ZNF280D: variants seen among roughly 807,000 people sequenced by gnomAD.
ZNF280D encodes the protein suppressor of hairy wing homolog 4.
Under a neutral mutation model 94.7 loss-of-function variants are expected in ZNF280D, and 39 were observed. The ratio of observed to expected loss-of-function variants is 0.41; its 90% CI spans 0.32 to 0.54. The LOEUF is 0.54. ZNF280D is among the 20% of genes least tolerant of loss of function. The pLI is 0.22. For missense variants in ZNF280D, 1,090 were observed against 1,149.3 expected, an observed-to-expected ratio of 0.95 and a Z score of 0.75; for synonymous variants, 398 against 377.6, an observed-to-expected ratio of 1.05 and a Z score of -0.63.
chr15:56,707,090 T>G lies in ZNF280D; in HGVS notation c.20A>C (p.Gln7Pro), dbSNP rs372990705. The change falls in exon 3 of 22, where the codon CAA becomes CCA. Residue 7 changes from glutamine (Q) to proline (P), a missense_variant. Gln to Pro is a moderately conservative substitution (Grantham distance 76). Coordinates refer to ENST00000267807, the MANE Select transcript of ZNF280D (RefSeq NM_017661.4). Reference sequence around the variant, plus strand: ...GTGGCAGCAACACTTACTTTTTGGTTGAAAAGGGTTGTCGCCCATCAAGCT... The same window carrying G: ...GTGGCAGCAACACTTACTTTTTGGTGGAAAAGGGTTGTCGCCCATCAAGCT... MGDNPF[Q>P]PKSNSKMAEL... 2 of 1,613,850 alleles carry G rather than the reference T, an allele frequency of 1.2e-6. No individual in the cohort carries two copies. The highest frequency in any genetic ancestry group is 2.7e-5 in the African/African-American group (2 of 74,918).
At chr15:56,681,122 T>C (rs1271847701) in intron 10 of ZNF280D, among the ~76,000 whole-genome samples, 3 of 152,346 alleles carry the variant, frequency 2.0e-5, no homozygotes, top group African/African-American at 4.8e-5. Flanking sequence ...TTGAAAATTA[T>C]AAAGCACTAT....
intron 9 of ZNF280D, among the ~76,000 whole-genome samples, chr15:56,684,013 T>G (rs540311501): frequency 2.4e-4 from 36 of 152,138 alleles, no homozygotes; most frequent in Admixed American, 4.6e-4. Flanking sequence ...CAAGGGTATA[T>G]CCTCTGTTTG....
At chr15:56,646,904 AAAG>A (rs1248725119) in intron 19 of ZNF280D, among the ~76,000 whole-genome samples, 1 of 152,148 alleles carries the variant, frequency 6.6e-6, no homozygotes, top group African/African-American at 2.4e-5. Flanking sequence ...GAGAAAAAGC[AAAG>A]AAGTATGAAA....
At position 56,666,825 on chromosome 15, in the gene ZNF280D, T is replaced by C. The variant is rs561731506; in HGVS notation, c.1707A>G (p.Lys569=). Residue 569 remains lysine, a synonymous_variant, in exon 15 of 22, where the codon AAA becomes AAG. Transcript: ENST00000267807. The part of the protein sequence containing the change: ...KSNTSKPNTV[K]SNASKPNTSK... ...TTGTATTAGGTTTACTTGCGTTGGA[T>C]TTGACTGTATTAGGTTTACTTGTAT... The C allele has an allele frequency of 1.2e-6, 2 of 1,613,734 alleles. No homozygotes were observed. Among genetic ancestry groups the C allele is most frequent in the South Asian group, 1.1e-5 (1 of 91,082 alleles).
intron 1 of ZNF280D, among the ~76,000 whole-genome samples, chr15:56,715,566 T>C (rs566291906): frequency 2.6e-5 from 4 of 152,218 alleles, no homozygotes; most frequent in Non-Finnish European, 2.9e-5. Context: ...GTAGAGAGTA[T>C]AATACATGTA....
At chr15:56,706,998 G>T in intron 3 of ZNF280D, 84 bp downstream of exon 3, 2 of 1,351,038 alleles carry the variant, frequency 1.5e-6, no homozygotes, top group African/African-American at 1.4e-5. Context: ...TTTAAAAAAT[G>T]TCTCCCAACT....
intron 7 of ZNF280D, among the ~76,000 whole-genome samples, chr15:56,690,080 A>T (rs1478040594): frequency 6.6e-6 from 1 of 152,170 alleles, no homozygotes; most frequent in African/African-American, 2.4e-5. Flanking sequence ...CACTTCATTC[A>T]TTTATATGAA....
intron 20 of ZNF280D, among the ~76,000 whole-genome samples, chr15:56,638,382 AG>A (rs2052454719): frequency 6.6e-6 from 1 of 152,238 alleles, no homozygotes; most frequent in Admixed American, 6.5e-5. Flanking sequence ...AAGCAAAAAA[AG>A]TCAGTGATAC....
chr15:56,723,353 G>A (rs1419096052), intron 1 of ZNF280D, among the ~76,000 whole-genome samples: 3 of 152,144 alleles, frequency 2.0e-5, no homozygotes, highest in South Asian at 4.1e-4. Flanking sequence ...AACTTTGAAA[G>A]TGAAAGAAGT....
At chr15:56,644,821 T>C (rs955233869) in intron 19 of ZNF280D, among the ~76,000 whole-genome samples, 2 of 152,174 alleles carry the variant, frequency 1.3e-5, no homozygotes, top group Non-Finnish European at 2.9e-5. Flanking sequence ...TCACTCTTTA[T>C]TGTACTGGCA....
Position 56,704,258 on chromosome 15 carries a change from T to G in ZNF280D, c.38A>C (p.Lys13Thr). 2 of 1,603,212 alleles carry G rather than the reference T, an allele frequency of 1.2e-6. No homozygotes were observed. The highest frequency in any genetic ancestry group is 8.5e-7 in the Non-Finnish European group (1 of 1,177,242). Reference sequence around the variant, plus strand: ...ACATTCCATAAACAGTTCTGCCATTTTTGAATTACCTAATTTTCAAAAGGA... The same window carrying G: ...ACATTCCATAAACAGTTCTGCCATTGTTGAATTACCTAATTTTCAAAAGGA... ...DNPFQPKSNS[K>T]MAELFMECEE... The change falls in exon 4 of 22, where the codon AAA (lysine) becomes ACA (threonine). Residue 13 changes from lysine (K) to threonine (T), a missense_variant. Physicochemically the swap from Lys to Thr is moderately conservative, Grantham distance 78. Around this residue, in one of 3 missense-constraint regions of ZNF280D, gnomAD observed 386 missense variants for 372.0 expected, o/e 1.04. Transcript: ENST00000267807.
chr15:56,702,147 T>C (rs761219694), intron 4 of ZNF280D, among the ~76,000 whole-genome samples: 1 of 152,084 alleles, frequency 6.6e-6, no homozygotes, highest in Non-Finnish European at 1.5e-5. Context: ...GAAATATGGT[T>C]GTTTTCTGAT....
intron 19 of ZNF280D, among the ~76,000 whole-genome samples, chr15:56,652,041 G>GA (rs1323273747): frequency 2.7e-3 from 251 of 92,322 alleles, no homozygotes; most frequent in Middle Eastern, 0.01. Flanking sequence ...AGACAAATAA[G>GA]AAAAAAAAAA....
At chr15:56,731,979 G>A (rs1239229353) in intron 1 of ZNF280D, among the ~76,000 whole-genome samples, 2 of 152,142 alleles carry the variant, frequency 1.3e-5, no homozygotes, top group African/African-American at 2.4e-5. Flanking sequence ...AGACCAGCCT[G>A]GGCAACATAA....
rs1350900442 is a variant in ZNF280D, at chr15:56,704,102, A to G, written c.175+19T>C. The stretch of plus-strand genomic sequence containing the variant: ...ATAATACCTTATAAAGCTTGGTTTC[A>G]CTAAAAGTAAATGCTTACTTGAAAT... On this transcript the variant is annotated intron_variant, in intron 4 of 21. Coordinates refer to ENST00000267807, the MANE Select transcript of ZNF280D (RefSeq NM_017661.4). 1.2e-5 allele frequency: 20 copies of G among 1,612,532 alleles called. No homozygotes were observed. Among genetic ancestry groups the G allele is most frequent in the Non-Finnish European group, 1.7e-5 (20 of 1,179,524 alleles).
chr15:56,727,054 T>C (rs1195149590), intron 1 of ZNF280D, among the ~76,000 whole-genome samples: 1 of 152,152 alleles, frequency 6.6e-6, no homozygotes, highest in Admixed American at 6.5e-5. Flanking sequence ...GGAAAGTGAC[T>C]AGAAAAAATG....
intron 19 of ZNF280D, among the ~76,000 whole-genome samples, chr15:56,649,132 CAGA>C (rs1324446809): frequency 1.3e-5 from 2 of 152,044 alleles, no homozygotes; most frequent in African/African-American, 2.4e-5. Context: ...TCAATGTAGG[CAGA>C]AGATTTTAAT....
At chr15:56,711,139 A>G (rs1318396304) in intron 1 of ZNF280D, among the ~76,000 whole-genome samples, 1 of 152,222 alleles carries the variant, frequency 6.6e-6, no homozygotes, top group African/African-American at 2.4e-5. Flanking sequence ...TGACTCAATC[A>G]CTTATTACCA....
intron 1 of ZNF280D, among the ~76,000 whole-genome samples, chr15:56,722,790 G>A (rs535073355): frequency 6.6e-6 from 1 of 152,092 alleles, no homozygotes; most frequent in Non-Finnish European, 1.5e-5. Flanking sequence ...TCTGTTTATT[G>A]CGGCATTATT....
Sources: allele counts gnomAD v4.1 joint callset (sites outside exome capture counted in the v4.1 genomes callset), GRCh38; gene constraint gnomAD v4.1.1; regional missense constraint gnomAD v4.1.1; transcripts MANE v1.5; gene names NCBI Gene and HGNC (gene_info 2026-07-23, HGNC 2026-07-21).